NKAIN2: variants seen among roughly 807,000 people sequenced by gnomAD.
The protein encoded by NKAIN2 is sodium/potassium transporting ATPase interacting 2, also known as sodium/potassium-transporting ATPase subunit beta-1-interacting protein 2.
In NKAIN2, 14 loss-of-function variants were observed where a neutral mutation model predicts 32.6. The ratio of observed to expected loss-of-function variants is 0.43; its 90% confidence interval spans 0.28 to 0.67. NKAIN2 has a LOEUF of 0.67. Among genes scored for constraint, NKAIN2 ranks in the 30% least tolerant of loss-of-function variants. The pLI, the probability that NKAIN2 is intolerant of heterozygous loss-of-function variation, is 0.17. For synonymous variants in NKAIN2, 80 were observed against 87.2 expected (o/e 0.92, Z 0.46); for missense variants, 198 against 258.3 (o/e 0.77, Z 1.60).
chr6:124,763,453 G>A (rs569211370), intron 4 of NKAIN2, among the ~76,000 whole-genome samples: 1 of 152,294 alleles, frequency 6.6e-6, no homozygotes, highest in Non-Finnish European at 1.5e-5. Flanking sequence ...AGAGATGGAG[G>A]GAGGTGCCAC....
At chr6:124,346,960 C>T (rs956719524) in intron 2 of NKAIN2, among the ~76,000 whole-genome samples, 14 of 152,298 alleles carry the variant, frequency 9.2e-5, no homozygotes, top group Admixed American at 2.6e-4. Context: ...CATGATTTTG[C>T]AGCAGCTGGT....
chr6:124,250,105 C>T (rs1793626643), intron 1 of NKAIN2, among the ~76,000 whole-genome samples: 3 of 152,092 alleles, frequency 2.0e-5, no homozygotes, highest in South Asian at 2.1e-4. Flanking sequence ...TAATAGAGGC[C>T]CCATGGAGAT....
At chr6:123,854,156 CAAAGATATATGGG>C (rs1775467435) in intron 1 of NKAIN2, among the ~76,000 whole-genome samples, 1 of 152,102 alleles carries the variant, frequency 6.6e-6, no homozygotes, top group Non-Finnish European at 1.5e-5. Context: ...AATTTAATTT[CAAAGATATATGGG>C]AATCGGTGCT....
intron 3 of NKAIN2, among the ~76,000 whole-genome samples, chr6:124,569,331 T>G (rs958299279): frequency 6.6e-6 from 1 of 152,186 alleles, no homozygotes; most frequent in African/African-American, 2.4e-5. Flanking sequence ...AGAAAGTTCT[T>G]ACTTCCCTAT....
intron 3 of NKAIN2, among the ~76,000 whole-genome samples, chr6:124,504,780 C>T (rs574950033): frequency 2.6e-5 from 4 of 152,186 alleles, no homozygotes; most frequent in East Asian, 1.9e-4. Flanking sequence ...GTTTGAAAGC[C>T]GGTGGTTTAA....
intron 3 of NKAIN2, among the ~76,000 whole-genome samples, chr6:124,514,057 T>C (rs1347808527): frequency 6.6e-6 from 1 of 152,132 alleles, no homozygotes; most frequent in Non-Finnish European, 1.5e-5. Context: ...GAACCAAATA[T>C]TATCAAAACA....
At chr6:124,366,278 T>G (rs181935691) in intron 3 of NKAIN2, among the ~76,000 whole-genome samples, 1 of 152,200 alleles carries the variant, frequency 6.6e-6, no homozygotes, top group Non-Finnish European at 1.5e-5. Context: ...ATATCACAAA[T>G]AACTCTATAG....
At chr6:124,046,774 C>T (rs904794366) in intron 1 of NKAIN2, among the ~76,000 whole-genome samples, 1 of 151,884 alleles carries the variant, frequency 6.6e-6, no homozygotes, top group Admixed American at 6.6e-5. Context: ...TGCTGAAAAG[C>T]TGCCAAGGAG....
At chr6:123,812,903 G>A (rs2114867553) in intron 1 of NKAIN2, among the ~76,000 whole-genome samples, 1 of 152,334 alleles carries the variant, frequency 6.6e-6, no homozygotes, top group African/African-American at 2.4e-5. Context: ...CTTAACAGAA[G>A]TCTTTGTGTG....
intron 3 of NKAIN2, among the ~76,000 whole-genome samples, chr6:124,533,522 A>G (rs1224222758): frequency 3.4e-5 from 5 of 147,880 alleles, no homozygotes; most frequent in East Asian, 2.0e-4. Flanking sequence ...TCCTTGGGGC[A>G]GGGGAGATGA....
chr6:124,032,397 A>T (rs1309549276), intron 1 of NKAIN2, among the ~76,000 whole-genome samples: 11 of 151,958 alleles, frequency 7.2e-5, no homozygotes, highest in Non-Finnish European at 1.5e-5. Context: ...GTACCCTAGA[A>T]CTTAAAGTAT....
Position 124,268,140 on chromosome 6 carries a change from G to A in NKAIN2, c.55-14865G>A, listed in dbSNP as rs975288074. Among the ~76,000 whole-genome samples, 17 of 152,104 alleles carry A rather than the reference G, an allele frequency of 1.1e-4. 1 individual carries two copies. Among genetic ancestry groups the A allele is most frequent in the South Asian group, 1.0e-3 (5 of 4,814 alleles). On this transcript the variant is annotated intron_variant, in intron 1 of 6. Transcript: ENST00000368417. ...TGCATTTGTGTTTACAACAAGCATCGTGTAAACATACAATTCTAGTGATGA... is the reference window on the plus strand; with the variant it reads ...TGCATTTGTGTTTACAACAAGCATCATGTAAACATACAATTCTAGTGATGA...
chr6:123,888,553 C>T (rs1051904138), intron 1 of NKAIN2, among the ~76,000 whole-genome samples: 1 of 152,006 alleles, frequency 6.6e-6, no homozygotes, highest in Non-Finnish European at 1.5e-5. Flanking sequence ...GGTCTTTTGT[C>T]TCTTGCCACA....
At chr6:123,835,494 G>A (rs192014211) in intron 1 of NKAIN2, among the ~76,000 whole-genome samples, 1 of 152,174 alleles carries the variant, frequency 6.6e-6, no homozygotes, top group Admixed American at 6.5e-5. Flanking sequence ...TGACTAAAGA[G>A]TAATCTTGTT....
At chr6:124,058,596 T>C (rs1782778555) in intron 1 of NKAIN2, among the ~76,000 whole-genome samples, 1 of 152,068 alleles carries the variant, frequency 6.6e-6, no homozygotes, top group South Asian at 2.1e-4. Context: ...ATGTTACTTA[T>C]AATAGTCAAC....
intron 4 of NKAIN2, among the ~76,000 whole-genome samples, chr6:124,706,651 G>A (rs759227877): frequency 3.3e-5 from 5 of 152,138 alleles, no homozygotes; most frequent in Non-Finnish European, 5.9e-5. Context: ...AGATAGAAAA[G>A]TCTCAGTATA....
chr6:124,153,613 A>G (rs1787840416), intron 1 of NKAIN2, among the ~76,000 whole-genome samples: 1 of 151,660 alleles, frequency 6.6e-6, no homozygotes, highest in Admixed American at 6.6e-5. Flanking sequence ...CAAATATGTG[A>G]CATTTTGGTC....
intron 1 of NKAIN2, among the ~76,000 whole-genome samples, chr6:124,128,352 C>G (rs1380531927): frequency 6.6e-6 from 1 of 152,148 alleles, no homozygotes; most frequent in Non-Finnish European, 1.5e-5. Flanking sequence ...AGAAGCGAAG[C>G]ATTTCATTTT....
At chr6:124,170,868 T>C (rs2114499018) in intron 1 of NKAIN2, among the ~76,000 whole-genome samples, 1 of 152,296 alleles carries the variant, frequency 6.6e-6, no homozygotes, top group East Asian at 1.9e-4. Flanking sequence ...CTGATAATTT[T>C]CTGACAAAAT....
Sources: gnomAD v4.1 joint callset for allele counts (sites outside exome capture counted in the v4.1 genomes callset) on GRCh38, gnomAD v4.1.1 for gene constraint, MANE v1.5 for transcripts, NCBI Gene and HGNC (gene_info 2026-07-23, HGNC 2026-07-21) for gene names.